GUCY2F: variants seen among roughly 807,000 people sequenced by gnomAD.
GUCY2F encodes the protein guanylate cyclase 2F, retinal, also known as retinal guanylyl cyclase 2.
A neutral mutation model predicts 73.1 loss-of-function variants in GUCY2F; 61 were observed. That is an observed-to-expected ratio of 0.83 (90% CI 0.68 to 1.03). GUCY2F has a LOEUF of 1.03. Among genes scored for constraint, GUCY2F ranks in the 50% least tolerant of loss-of-function variants. GUCY2F has a pLI of 0.00. For missense variants in GUCY2F, 912 were observed against 854.3 expected, an observed-to-expected ratio of 1.07 and a Z score of -0.84; for synonymous variants, 331 against 307.8, an observed-to-expected ratio of 1.08 and a Z score of -0.79.
intron 16 of GUCY2F, among the ~76,000 whole-genome samples, chrX:109,384,268 C>T (rs1930384712): frequency 8.9e-6 from 1 of 112,268 alleles, no homozygotes; most frequent in Non-Finnish European, 1.9e-5. Context: ...TTGGGAAGAA[C>T]TCGTCTTGCC....
At chrX:109,374,930 T>A (rs1930141364) in intron 19 of GUCY2F, among the ~76,000 whole-genome samples, 2 of 111,833 alleles carry the variant, frequency 1.8e-5, no homozygotes, top group African/African-American at 6.5e-5. Context: ...ACAGAAACAG[T>A]CACAAAGAAT....
At chrX:109,378,240 AT>A (rs1930222801) in intron 17 of GUCY2F, among the ~76,000 whole-genome samples, 1 of 111,609 alleles carries the variant, frequency 9.0e-6, no homozygotes, top group South Asian at 3.8e-4. Context: ...ATTCCTGGAG[AT>A]TAAATGACTT....
At chrX:109,378,851 A>G (rs1230234298) in intron 17 of GUCY2F, among the ~76,000 whole-genome samples, 3 of 112,030 alleles carry the variant, frequency 2.7e-5, no homozygotes, top group Non-Finnish European at 5.6e-5. Flanking sequence ...AAGTAGAATT[A>G]CCATATGATC....
At chrX:109,379,620 C>G (rs908683112) in intron 17 of GUCY2F, among the ~76,000 whole-genome samples, 1 of 112,091 alleles carries the variant, frequency 8.9e-6, no homozygotes, top group Non-Finnish European at 1.9e-5. Flanking sequence ...GTAAATCTAC[C>G]TAAAAGTTTC....
intron 1 of GUCY2F, among the ~76,000 whole-genome samples, chrX:109,480,998 GAA>G (rs1192321483): frequency 1.0e-5 from 1 of 99,105 alleles, no homozygotes; most frequent in Non-Finnish European, 2.0e-5. Flanking sequence ...GGGAAGAAGA[GAA>G]AGAAGGAAGG....
chrX:109,380,525 C>T (rs140642310), intron 17 of GUCY2F, among the ~76,000 whole-genome samples: 77 of 110,745 alleles, frequency 7.0e-4, no homozygotes, highest in African/African-American at 2.4e-3. Context: ...TCCTCTGAGG[C>T]GCCCTCTTCT....
chrX:109,471,702 T>G, intron 2 of GUCY2F, among the ~76,000 whole-genome samples: 1 of 112,619 alleles, frequency 8.9e-6, no homozygotes, highest in African/African-American at 3.2e-5. Context: ...AGAATTGAGT[T>G]GAGAATCTGG....
chrX:109,444,480 A>G (rs934032366), intron 6 of GUCY2F, among the ~76,000 whole-genome samples: 3 of 112,007 alleles, frequency 2.7e-5, no homozygotes, highest in Non-Finnish European at 5.6e-5. Context: ...ATGTATTTGT[A>G]TACTTTTCCT....
At chrX:109,387,788 A>G (rs1450955548) in intron 15 of GUCY2F, among the ~76,000 whole-genome samples, 1 of 112,030 alleles carries the variant, frequency 8.9e-6, no homozygotes, top group Non-Finnish European at 1.9e-5. Context: ...GAACAGGAAG[A>G]GTCAAGAGAA....
At chrX:109,449,879 G>A (rs1932100229) in intron 5 of GUCY2F, among the ~76,000 whole-genome samples, 1 of 110,737 alleles carries the variant, frequency 9.0e-6, no homozygotes, top group African/African-American at 3.3e-5. Flanking sequence ...TTGTTTTGGG[G>A]TGGTTGGGTT....
intron 8 of GUCY2F, among the ~76,000 whole-genome samples, chrX:109,411,255 CAAA>C (rs60845603): frequency 0.01 from 448 of 43,380 alleles, 8 homozygotes; most frequent in African/African-American, 0.027. Context: ...ACTCCATTTT[CAAA>C]AAAAAAAAAA....
chrX:109,429,182 C>A (rs1931554463), intron 8 of GUCY2F, among the ~76,000 whole-genome samples: 1 of 111,729 alleles, frequency 9.0e-6, no homozygotes, highest in African/African-American at 3.3e-5. Flanking sequence ...GAGGCTGAGG[C>A]GGGCAGATCA....
chrX:109,416,094 C>T (rs768106777), intron 8 of GUCY2F, among the ~76,000 whole-genome samples: 7 of 110,515 alleles, frequency 6.3e-5, no homozygotes, highest in African/African-American at 2.3e-4. Context: ...TAGAGCAACA[C>T]CACAGGATCC....
chrX:109,392,065 T>A lies in GUCY2F; in HGVS notation c.2627A>T (p.Glu876Val). 7 of 1,208,308 alleles carry A rather than the reference T, an allele frequency of 5.8e-6. No individual in the cohort carries two copies. Among genetic ancestry groups the A allele is most frequent in the Non-Finnish European group, 7.8e-6 (7 of 893,681 alleles). Residue 876 changes from glutamate to valine, a missense_variant, in exon 14 of 20, where the codon GAA (glutamate) becomes GTA (valine). Coordinates refer to ENST00000218006, the MANE Select transcript of GUCY2F (RefSeq NM_001522.3). ...AESLKKGCTV[E>V]PEGFDLVTLY... ...GGTGACCAAGTCAAAGCCCTCAGGT[T>A]CAACTGTGCAGCCCTTTTTGAGAGA...
At chrX:109,379,445 CCA>C (rs1175632195) in intron 17 of GUCY2F, among the ~76,000 whole-genome samples, 1 of 112,188 alleles carries the variant, frequency 8.9e-6, no homozygotes, top group Non-Finnish European at 1.9e-5. Context: ...TTGAATTATT[CCA>C]CATTGTATTA....
At chrX:109,476,723 A>AAGATAGATAGATAGAT (rs3831757) in intron 1 of GUCY2F, among the ~76,000 whole-genome samples, 1 of 96,449 alleles carries the variant, frequency 1.0e-5, no homozygotes, top group Non-Finnish European at 2.1e-5. Flanking sequence ...CCCAGAGGTA[A>AAGATAGATAGATAGAT]AGATAGATAG....
At chrX:109,380,489 C>T (rs537456080) in intron 17 of GUCY2F, among the ~76,000 whole-genome samples, 31 of 103,738 alleles carry the variant, frequency 3.0e-4, no homozygotes, top group Admixed American at 5.9e-4. Context: ...TTCCTCTCCT[C>T]TTCCTTGTTC....
rs181787455 is a variant in GUCY2F at position 109,481,624 on chromosome X, C to A, written c.-86+242G>T. 1.5e-4 allele frequency among the ~76,000 whole-genome samples: 17 copies of A among 111,553 alleles called. 1 individual carries two copies. The East Asian group carries it at 4.7e-3, about 31-fold the overall frequency. On this transcript the variant is annotated intron_variant, in intron 1 of 19. Coordinates refer to ENST00000218006, the MANE Select transcript of GUCY2F (RefSeq NM_001522.3). The stretch of plus-strand genomic sequence containing the variant: ...CATCAGGAAGCAATAAAAAAAGAAT[C>A]ATGAGAGAAACTAAACGAAAGCTTG...
intron 7 of GUCY2F, among the ~76,000 whole-genome samples, chrX:109,439,838 C>G (rs776834550): frequency 4.5e-5 from 5 of 111,928 alleles, no homozygotes; most frequent in Non-Finnish European, 7.5e-5. Flanking sequence ...TGTGGTCATT[C>G]TGTTCACGAC....
Sources: gnomAD v4.1 joint callset for allele counts (sites outside exome capture counted in the v4.1 genomes callset) on GRCh38, gnomAD v4.1.1 for gene constraint, MANE v1.5 for transcripts, NCBI Gene and HGNC (gene_info 2026-07-23, HGNC 2026-07-21) for gene names.